Variants in ADH4 observed in about 807,000 individuals in gnomAD.
ADH4 encodes alcohol dehydrogenase 4 (class II), pi polypeptide, also known as all-trans-retinol dehydrogenase [NAD(+)] ADH4.
A neutral mutation model predicts 35.2 loss-of-function variants in ADH4; 31 were observed. The observed-to-expected ratio is 0.88, with a 90% CI of 0.66 to 1.19. The LOEUF is 1.19. Among genes scored for constraint, ADH4 ranks in the 50% most tolerant of loss-of-function variants. The pLI, the probability that ADH4 is intolerant of heterozygous loss-of-function variation, is 0.00. For missense variants in ADH4, 476 were observed against 458.3 expected, an observed-to-expected ratio of 1.04 and a Z score of -0.35; for synonymous variants, 171 against 160.2, an observed-to-expected ratio of 1.07 and a Z score of -0.51.
chr4:99,140,254 A>G (rs1255175721), intron 3 of ADH4, among the ~76,000 whole-genome samples: 1 of 152,208 alleles, frequency 6.6e-6, no homozygotes, highest in Non-Finnish European at 1.5e-5. Flanking sequence ...TTTATATAGA[A>G]GTTATTATAA....
chr4:99,130,420 A>G (rs1201887205), intron 6 of ADH4, among the ~76,000 whole-genome samples: 4 of 152,178 alleles, frequency 2.6e-5, no homozygotes, highest in African/African-American at 4.8e-5. Context: ...TTAGTAAACA[A>G]TCCTTGTGCT....
At position 99,139,036 on chromosome 4, in the gene ADH4, A is replaced by G. The variant is rs771727249; in HGVS notation, c.350+25T>C. On this transcript the variant is annotated intron_variant, in intron 4 of 8. Coordinates refer to ENST00000265512, the MANE Select transcript of ADH4 (RefSeq NM_000670.5). ...CAAAATATTCATTCAAATTTATACT[A>G]ATACTAACAGTGTAGAGTGCTTACC... 6 of 1,543,524 alleles carry G rather than the reference A, an allele frequency of 3.9e-6. No homozygotes were observed. The South Asian group carries it at 5.7e-5, about 15-fold the overall frequency.
At chr4:99,135,944 C>T (rs1729420059) in intron 5 of ADH4, among the ~76,000 whole-genome samples, 1 of 152,052 alleles carries the variant, frequency 6.6e-6, no homozygotes, top group South Asian at 2.1e-4. Flanking sequence ...CACATCTGGT[C>T]AACATTACGG....
intron 6 of ADH4, among the ~76,000 whole-genome samples, chr4:99,129,217 G>T (rs889118990): frequency 6.6e-6 from 1 of 151,846 alleles, no homozygotes; most frequent in Non-Finnish European, 1.5e-5. Flanking sequence ...ATATAAAAAT[G>T]TATTTTTAAT....
intron 6 of ADH4, among the ~76,000 whole-genome samples, chr4:99,128,102 T>C (rs28987101): frequency 6.6e-6 from 1 of 151,970 alleles, no homozygotes; most frequent in East Asian, 1.9e-4. Context: ...GTGTTTAACC[T>C]TATGGTTCTT....
At chr4:99,143,258 G>C (rs756589111) in intron 1 of ADH4, 2 of 701,178 alleles carry the variant, frequency 2.9e-6, no homozygotes, top group South Asian at 3.0e-5. Context: ...CATCACTTGG[G>C]AATTTGTTAG....
chr4:99,123,990 C>T lies in ADH4; in HGVS notation c.*452G>A, dbSNP rs1139490. 113,940 of 162,826 alleles carry T rather than the reference C, an allele frequency of 0.7. 40,333 individuals carry two copies. The highest frequency in any genetic ancestry group is 1 in the East Asian group (5,297 of 5,310). The allele number at this position is 162,826 out of a possible 1,614,324, so 10.1% of individuals were successfully genotyped here. A position where few individuals can be genotyped will look rare whatever the true frequency, so the allele number is the denominator to read the frequency against. On this transcript the variant is annotated 3_prime_UTR_variant, in exon 9 of 9. Transcript: ENST00000265512. ...CCGACTCCCTGCCCTCAACAGGCCC[C>T]AGTGTGTGTTGTTCCCCATCATGTG...
chr4:99,142,225 C>T (rs1729647794), intron 2 of ADH4, among the ~76,000 whole-genome samples: 1 of 152,196 alleles, frequency 6.6e-6, no homozygotes, highest in Non-Finnish European at 1.5e-5. Flanking sequence ...TCCATGCACT[C>T]TCTTCTCCCT....
intron 6 of ADH4, 37 bp from the exon 7 acceptor site, chr4:99,127,381 A>G: frequency 6.6e-7 from 1 of 1,525,994 alleles, no homozygotes; most frequent in Non-Finnish European, 8.8e-7. Context: ...GAGTCAGTGG[A>G]AAAGTAGAAT....
intron 6 of ADH4, among the ~76,000 whole-genome samples, chr4:99,129,894 A>G (rs1729220679): frequency 6.6e-6 from 1 of 152,204 alleles, no homozygotes; most frequent in Non-Finnish European, 1.5e-5. Context: ...ATAATCCTGA[A>G]CACACTTTTC....
chr4:99,126,734 T>A lies in ADH4; in HGVS notation c.980-2A>T, dbSNP rs765409890. 1.3e-6 allele frequency: 2 copies of A among 1,591,242 alleles called. No individual in the cohort carries two copies. Among genetic ancestry groups the A allele is most frequent in the East Asian group, 4.5e-5 (2 of 44,636 alleles). On this transcript the variant is annotated splice_acceptor_variant, in intron 7 of 8. Coordinates refer to ENST00000265512, the MANE Select transcript of ADH4 (RefSeq NM_000670.5). LOFTEE classifies it high-confidence loss of function. ...GGATAGAATCTACACTTTTCCAACC[T>A]GTAATGTGGACAAAATGCAAAATAA... is the stretch of plus-strand genomic sequence containing the variant.
chr4:99,135,414 G>A (rs976924601), intron 5 of ADH4, among the ~76,000 whole-genome samples: 1 of 152,186 alleles, frequency 6.6e-6, no homozygotes, highest in Non-Finnish European at 1.5e-5. Context: ...GGGCAACAGA[G>A]TGAGACCCTG....
Position 99,131,659 on chromosome 4 carries a change from T to C in ADH4, c.688A>G (p.Ile230Val), listed in dbSNP as rs375078920. Residue 230 changes from isoleucine (I) to valine (V), a missense_variant, in exon 6 of 9, where the codon ATC becomes GTC. Physicochemically the swap from Ile to Val is conservative, Grantham distance 29. Coordinates refer to ENST00000265512, the MANE Select transcript of ADH4 (RefSeq NM_000670.5). ...GCCTTCACAAACTTCTCACTGTTGA[T>C]GTCAATACCTATGATTCTGGAAGCT... ...AGASRIIGIDINSEKFVKAKA... is the reference protein window; with the variant it reads ...AGASRIIGIDVNSEKFVKAKA... The C allele has an allele frequency of 6.8e-6, 11 of 1,614,034 alleles. No homozygotes were observed. The Admixed American group carries it at 1.0e-4, about 15-fold the overall frequency.
Position 99,136,543 on chromosome 4 carries a change from C to T in ADH4, c.505G>A (p.Asp169Asn). ...SDINLAKIDDDANLERVCLLG... is the reference protein window; with the variant it reads ...SDINLAKIDDNANLERVCLLG... ...AGACAAACTCTCTCTAAATTTGCAT[C>T]ATCATCTATTTTGGCAAGATTGATA... The change falls in exon 5 of 9, where the codon GAT becomes AAT. Residue 169 changes from aspartate (D) to asparagine (N), a missense_variant. Physicochemically the swap from Asp to Asn is conservative, Grantham distance 23 (BLOSUM62 1). Coordinates refer to ENST00000265512, the MANE Select transcript of ADH4 (RefSeq NM_000670.5). The T allele has an allele frequency of 6.2e-7, 1 of 1,614,180 alleles. No individual in the cohort carries two copies. The highest frequency in any genetic ancestry group is 1.7e-5 in the Admixed American group (1 of 60,026).
chr4:99,126,254 ACGGTG>A (rs1267200733), intron 8 of ADH4, among the ~76,000 whole-genome samples: 2 of 151,246 alleles, frequency 1.3e-5, no homozygotes, highest in Admixed American at 1.3e-4. Flanking sequence ...GCAGAACACC[ACGGTG>A]CTAAACTCAG....
At chr4:99,141,447 A>G in intron 3 of ADH4, 94 bp downstream of exon 3, 2 of 1,251,878 alleles carry the variant, frequency 1.6e-6, no homozygotes, top group Non-Finnish European at 2.2e-6. Flanking sequence ...TTTTGTAAAT[A>G]GAGATCAATT....
Position 99,127,230 on chromosome 4 carries a change from T to C in ADH4, c.958A>G (p.Ile320Val). The C allele has an allele frequency of 6.2e-7, 1 of 1,610,860 alleles. No homozygotes were observed. Residue 320 changes from isoleucine to valine, a missense_variant, in exon 7 of 9, where the codon ATA becomes GTA. Physicochemically the swap from Ile to Val is conservative, Grantham distance 29. Coordinates refer to ENST00000265512, the MANE Select transcript of ADH4 (RefSeq NM_000670.5). Reference protein sequence around the residue: ...FPEELIIGRTINGTFFGGWKS... With the variant: ...FPEELIIGRTVNGTFFGGWKS... ...TGACCACCAAAGAATGTTCCATTTA[T>C]AGTACGGCCGATTATTAGCTCCTCT...
In ADH4 at chr4:99,144,191, G is replaced by A; in HGVS notation, c.18+14C>T. Reference sequence around the variant, plus strand: ...AAAGCACAAACTGAACAAAGATACAGCTTACTTGCTTACTTTGCCCTTGGT... The same window carrying A: ...AAAGCACAAACTGAACAAAGATACAACTTACTTGCTTACTTTGCCCTTGGT... On this transcript the variant is annotated intron_variant, in intron 1 of 8. Coordinates refer to ENST00000265512, the MANE Select transcript of ADH4 (RefSeq NM_000670.5). 1 of 1,613,558 alleles carries A rather than the reference G, an allele frequency of 6.2e-7. No homozygotes were observed. The highest frequency in any genetic ancestry group is 8.5e-7 in the Non-Finnish European group (1 of 1,179,508).
rs547693519 is a variant in ADH4 at position 99,143,761 on chromosome 4, A to G, written c.18+444T>C. ...CAAGTTTTTAAAGACAAAAAATAGA[A>G]TAAGATTCATCTGTAAGCTCATCAC... On this transcript the variant is annotated intron_variant, in intron 1 of 8. Coordinates refer to ENST00000265512, the MANE Select transcript of ADH4 (RefSeq NM_000670.5). Among the ~76,000 whole-genome samples the G allele has an allele frequency of 1.1e-4, 16 of 152,326 alleles. No homozygotes were observed. The South Asian group carries it at 2.9e-3, about 28-fold the overall frequency.
Sources: allele counts gnomAD v4.1 joint callset (sites outside exome capture counted in the v4.1 genomes callset), GRCh38; gene constraint gnomAD v4.1.1; transcripts MANE v1.5; gene names NCBI Gene and HGNC (gene_info 2026-07-23, HGNC 2026-07-21).